WDR90: variants seen among roughly 807,000 people sequenced by gnomAD.
WDR90 encodes the protein WD repeat-containing protein 90.
WDR90 carries 238 observed loss-of-function variants against 195.2 expected under a neutral mutation model. The observed-to-expected ratio is 1.22, with a 90% CI of 1.10 to 1.36. The LOEUF (loss-of-function observed/expected upper bound fraction) is 1.36, where lower values mean the gene tolerates loss of function less well. Among genes scored for constraint, WDR90 ranks in the 40% most tolerant of loss-of-function variants. The probability of loss-of-function intolerance (pLI) is 0.00; values close to 1 mark genes in which losing one functional copy is unlikely to be tolerated. For synonymous variants in WDR90, 1,265 were observed against 1,052.4 expected, an observed-to-expected ratio of 1.20 and a Z score of -3.91; for missense variants, 2,734 against 2,439.5, an observed-to-expected ratio of 1.12 and a Z score of -2.54.
Position 656,820 on chromosome 16 carries a change from G to C in WDR90, c.2291G>C (p.Gly764Ala). 1 of 1,613,062 alleles carries C rather than the reference G, an allele frequency of 6.2e-7. No homozygotes were observed. The part of the protein sequence containing the change: ...RPTFFCGFSS[G>A]AVRSFSLEAA... ...ACCTTTTTCTGTGGCTTTAGCAGTG[G>C]GGCCGTGCGCTCCTTCAGCCTGGAG... The change falls in exon 19 of 41, where the codon GGG becomes GCG. Residue 764 changes from glycine (G) to alanine (A), a missense_variant. By Grantham distance (60) the Gly-to-Ala change is moderately conservative (BLOSUM62 0). Coordinates refer to ENST00000293879, the MANE Select transcript of WDR90 (RefSeq NM_145294.5).
chr16:649,261 C>T (rs2151121511), upstream of WDR90: 2 of 850,026 alleles, frequency 2.4e-6, no homozygotes, highest in African/African-American at 1.8e-5. Context: ...GAGCGGGGTA[C>T]TCCCACCGGG....
In WDR90 at chr16:650,378, G is replaced by T; in HGVS notation, c.388+16G>T. ...CCTCAGAGAGGTGACACCAAGATGG[G>T]GTGTGGATGATCCAGGACAGGTGGC... is the stretch of plus-strand genomic sequence containing the variant. On this transcript the variant is annotated intron_variant, in intron 4 of 40. Transcript: ENST00000293879. 6.2e-7 allele frequency: 1 copy of T among 1,609,606 alleles called. No homozygotes were observed. The highest frequency in any genetic ancestry group is 8.5e-7 in the Non-Finnish European group (1 of 1,177,238).
Position 650,244 on chromosome 16 carries a change from G to A in WDR90, c.280-10G>A, listed in dbSNP as rs761335702. On this transcript the variant is annotated splice_polypyrimidine_tract_variant and intron_variant, in intron 3 of 40. Coordinates refer to ENST00000293879, the MANE Select transcript of WDR90 (RefSeq NM_145294.5). ...CCCTGTCTCCTCACGGCCCTGCTCCGTCCCCACAGGACAACCAAGTCATCC... is the reference window on the plus strand; with the variant it reads ...CCCTGTCTCCTCACGGCCCTGCTCCATCCCCACAGGACAACCAAGTCATCC... The A allele has an allele frequency of 8.1e-6, 13 of 1,612,458 alleles. No homozygotes were observed. The highest frequency in any genetic ancestry group is 4.4e-5 in the South Asian group (4 of 91,088).
In WDR90 at chr16:662,715, G is replaced by A. The variant is rs372203987; in HGVS notation, c.4182G>A (p.Gly1394=). The change falls in exon 34 of 41, where the codon GGG becomes GGA. Residue 1394 remains glycine, a synonymous_variant. Transcript: ENST00000293879. ...TGGAACACGAGCTGGTGCTGGACGG[G>A]GCTGTGGTGAGTGCCAGCTTCGATG... ...VFMEHELVLD[G]AVVSASFDDS... 16 of 1,582,250 alleles carry A rather than the reference G, an allele frequency of 1.0e-5. No individual in the cohort carries two copies. Among genetic ancestry groups the A allele is most frequent in the Non-Finnish European group, 1.4e-5 (16 of 1,160,362 alleles).
At chr16:654,616 T>G (rs538761238) in intron 13 of WDR90, 2 of 169,930 alleles carry the variant, frequency 1.2e-5, no homozygotes, top group African/African-American at 4.8e-5. Flanking sequence ...TCACGTTTTG[T>G]TTTTTTAACT....
In WDR90 at chr16:660,143, C is replaced by T. The variant is rs780879259; in HGVS notation, c.3270C>T (p.Cys1090=). The change falls in exon 27 of 41, where the codon TGC becomes TGT. Residue 1090 remains cysteine (C), a synonymous_variant. Coordinates refer to ENST00000293879, the MANE Select transcript of WDR90 (RefSeq NM_145294.5). ...CKAFTPARVS[C]SPHSAKGTCP... ...CCTTCACGCCTGCCAGGGTCAGCTG[C>T]AGCCCCCACTCTGCCAAGGTGGGGA... The T allele has an allele frequency of 3.3e-6, 5 of 1,536,050 alleles. No individual in the cohort carries two copies. The South Asian group carries it at 4.8e-5, about 15-fold the overall frequency.
intron 8 of WDR90, 23 bp from the exon 9 acceptor site, chr16:651,804 G>A (rs772599146): frequency 6.2e-7 from 1 of 1,611,658 alleles, no homozygotes; most frequent in East Asian, 2.2e-5. Context: ...CCAGGACGCT[G>A]ATGGGCACTT....
chr16:665,461 G>A (rs969498445), intron 34 of WDR90: 1 of 670,804 alleles, frequency 1.5e-6, no homozygotes, highest in Non-Finnish European at 2.5e-6. Context: ...GGGTTTGACT[G>A]GCTAGTGGGC....
chr16:656,838 G>C lies in WDR90; in HGVS notation c.2309G>C (p.Ser770Thr). ...GFSSGAVRSF[S>T]LEAAEVLVEH... ...AGCAGTGGGGCCGTGCGCTCCTTCA[G>C]CCTGGAGGCCGCTGAGGTCCTGGTG... Residue 770 changes from serine (S) to threonine (T), a missense_variant, in exon 19 of 41, where the codon AGC becomes ACC. Coordinates refer to ENST00000293879, the MANE Select transcript of WDR90 (RefSeq NM_145294.5). 1 of 1,612,946 alleles carries C rather than the reference G, an allele frequency of 6.2e-7. No individual in the cohort carries two copies.
chr16:660,278 C>T (rs868625842), intron 27 of WDR90, 117 bp downstream of exon 27: 16 of 961,128 alleles, frequency 1.7e-5, no homozygotes, highest in East Asian at 5.4e-5. Context: ...GGCTCTGGCC[C>T]TTGGGCGCCT....
In WDR90 at chr16:658,240, A is replaced by G. The variant is rs759983077; in HGVS notation, c.2662A>G (p.Met888Val). The change falls in exon 22 of 41, where the codon ATG becomes GTG. Residue 888 changes from methionine to valine, a missense_variant. Coordinates refer to ENST00000293879, the MANE Select transcript of WDR90 (RefSeq NM_145294.5). The stretch of plus-strand genomic sequence containing the variant: ...GGCCAGCAGCCGCCTGGACTCAGCC[A>G]TGGCTGTGTGCTTTGGCCCTGCAGC... ...DLASSRLDSA[M>V]AVCFGPAALG... is the part of the protein sequence containing the mutation. 7.4e-6 allele frequency: 12 copies of G among 1,612,586 alleles called. No individual in the cohort carries two copies. The highest frequency in any genetic ancestry group is 4.4e-5 in the South Asian group (4 of 91,088).
chr16:655,328 C>T lies in WDR90; in HGVS notation c.1578C>T (p.Gly526=). 1.2e-6 allele frequency: 2 copies of T among 1,604,356 alleles called. No individual in the cohort carries two copies. The highest frequency in any genetic ancestry group is 8.5e-7 in the Non-Finnish European group (1 of 1,179,506). Reference sequence around the variant, plus strand: ...GCAGGATGGCGTCGTGCGGGCAGGGCAGTGTGCGGCTCTGGCGGCTGCGTG... The same window carrying T: ...GCAGGATGGCGTCGTGCGGGCAGGGTAGTGTGCGGCTCTGGCGGCTGCGTG... ...DETRMASCGQ[G]SVRLWRLRGG... is the part of the protein sequence containing the mutation. Residue 526 remains glycine (G), a synonymous_variant, in exon 15 of 41, where the codon GGC becomes GGT. Transcript: ENST00000293879.
At chr16:654,641 G>C (rs1326236267) in intron 13 of WDR90, 1 of 198,072 alleles carries the variant, frequency 5.0e-6, no homozygotes, top group Non-Finnish European at 1.0e-5. Context: ...GTAGAGATAG[G>C]GTTTCATTAC....
chr16:661,855 C>G (rs755201588), intron 31 of WDR90, 36 bp from the exon 32 acceptor site: 8 of 1,593,552 alleles, frequency 5.0e-6, no homozygotes, highest in African/African-American at 1.3e-5. Context: ...GGCCCCGGGA[C>G]ACTGCTGACC....
chr16:662,659 C>T lies in WDR90; in HGVS notation c.4146-20C>T, dbSNP rs1263947964. 7 of 1,529,088 alleles carry T rather than the reference C, an allele frequency of 4.6e-6. No individual in the cohort carries two copies. The African/African-American group carries it at 6.9e-5, about 15-fold the overall frequency. 94.7% of individuals were successfully genotyped at this position (1,529,088 alleles called of 1,614,324 possible). A position where few individuals can be genotyped will look rare whatever the true frequency, so the allele number is the denominator to read the frequency against. On this transcript the variant is annotated intron_variant, in intron 33 of 40. Transcript: ENST00000293879. Reference sequence around the variant, plus strand: ...CCTTGAGACCCATTGTTCTCTCCTTCCCTGCACCCTGAGGTCCAGTTCTGT... The same window carrying T: ...CCTTGAGACCCATTGTTCTCTCCTTTCCTGCACCCTGAGGTCCAGTTCTGT...
chr16:655,847 C>A lies in WDR90; in HGVS notation c.1924C>A (p.Arg642=). 1 of 1,598,030 alleles carries A rather than the reference C, an allele frequency of 6.3e-7. No individual in the cohort carries two copies. The highest frequency in any genetic ancestry group is 1.1e-5 in the South Asian group (1 of 88,906). Residue 642 remains arginine (R), a synonymous_variant, in exon 17 of 41, where the codon CGG becomes AGG. Transcript: ENST00000293879. The part of the protein sequence containing the change: ...CAVGSEDGFL[R]LWPLDFSSVL... ...TGTGGGCTCTGAGGACGGCTTCTTG[C>A]GGCTCTGGCCCCTGGACTTCTCCTC...
In WDR90 at chr16:651,023, G is replaced by T. The variant is rs1217416555; in HGVS notation, c.588G>T (p.Leu196=). The T allele has an allele frequency of 1.9e-6, 3 of 1,613,386 alleles. No homozygotes were observed. Among genetic ancestry groups the T allele is most frequent in the South Asian group, 2.2e-5 (2 of 91,088 alleles). The change falls in exon 6 of 41, where the codon CTG becomes CTT. Residue 196 remains leucine, a synonymous_variant. Transcript: ENST00000293879. ...TCTCTGGGGCCCAGTGGGCAAAGCT[G>T]CCCGTGACTCCTATGCCTCGGGAAA... ...PAISGAQWAK[L]PVTPMPREMA...
rs1317082928 is a variant in WDR90 at position 660,053 on chromosome 16, G to T, written c.3185-5G>T. On this transcript the variant is annotated splice_polypyrimidine_tract_variant and splice_region_variant and intron_variant, in intron 26 of 40. Transcript: ENST00000293879. ...ATGCCACAAGCTCTGCCTCCTCCCTGCCAGGCGCCAGGGACACCAGGAATT... is the reference window on the plus strand; with the variant it reads ...ATGCCACAAGCTCTGCCTCCTCCCTTCCAGGCGCCAGGGACACCAGGAATT... 1.3e-6 allele frequency: 2 copies of T among 1,539,520 alleles called. No individual in the cohort carries two copies. Among genetic ancestry groups the T allele is most frequent in the Non-Finnish European group, 8.7e-7 (1 of 1,145,378 alleles).
intron 20 of WDR90, 103 bp downstream of exon 20, chr16:657,324 C>T (rs1036563347): frequency 1.2e-4 from 171 of 1,428,596 alleles, no homozygotes; most frequent in Non-Finnish European, 1.5e-4. Context: ...CCTGGTGCAC[C>T]GACTGGGTCC....
Sources: gnomAD v4.1 joint callset for allele counts on GRCh38, gnomAD v4.1.1 for gene constraint, MANE v1.5 for transcripts, NCBI Gene and HGNC (gene_info 2026-07-23, HGNC 2026-07-21) for gene names.